KCNH8: variants seen among roughly 807,000 people sequenced by gnomAD.
KCNH8 encodes potassium voltage-gated channel subfamily H member 8, also known as voltage-gated delayed rectifier potassium channel KCNH8.
A neutral mutation model predicts 103.6 loss-of-function variants in KCNH8; 70 were observed. The ratio of observed to expected loss-of-function variants is 0.68; its 90% confidence interval spans 0.56 to 0.82. KCNH8 has a LOEUF of 0.82. Among genes scored for constraint, KCNH8 ranks in the 40% least tolerant of loss-of-function variants. The pLI, the probability that KCNH8 is intolerant of heterozygous loss-of-function variation, is 0.00. For missense variants in KCNH8, 1,217 were observed against 1,329.9 expected, an observed-to-expected ratio of 0.92 and a Z score of 1.32; for synonymous variants, 498 against 489.4, an observed-to-expected ratio of 1.02 and a Z score of -0.23.
intron 3 of KCNH8, among the ~76,000 whole-genome samples, chr3:19,297,365 A>G (rs1008807559): frequency 1.3e-5 from 2 of 152,216 alleles, no homozygotes; most frequent in African/African-American, 4.8e-5. Flanking sequence ...TCATCTTACA[A>G]TAAGATTCAG....
At chr3:19,309,815 A>T (rs2065186421) in intron 3 of KCNH8, among the ~76,000 whole-genome samples, 1 of 151,968 alleles carries the variant, frequency 6.6e-6, no homozygotes, top group Admixed American at 6.6e-5. Flanking sequence ...ACTTAACGTA[A>T]TAGTTGAATC....
At chr3:19,166,061 C>G (rs942627357) in intron 1 of KCNH8, among the ~76,000 whole-genome samples, 7 of 152,272 alleles carry the variant, frequency 4.6e-5, no homozygotes, top group East Asian at 1.9e-4. Flanking sequence ...TGATGCCCTC[C>G]CACAGTGAGT....
intron 4 of KCNH8, among the ~76,000 whole-genome samples, chr3:19,347,200 G>T (rs921676890): frequency 2.0e-5 from 3 of 152,030 alleles, no homozygotes; most frequent in Non-Finnish European, 4.4e-5. Flanking sequence ...GCACGACTTG[G>T]CTATATTTGG....
Position 19,246,177 on chromosome 3 carries a change from T to C in KCNH8, c.77-7477T>C, listed in dbSNP as rs184316461. ...TTAAAATTTGTTAATATAGGGTTTT[T>C]CCTTCAATAAGATTGCTGTTTTTAA... is the stretch of plus-strand genomic sequence containing the variant. On this transcript the variant is annotated intron_variant, in intron 1 of 15. Transcript: ENST00000328405. Among the ~76,000 whole-genome samples the C allele has an allele frequency of 4.4e-3, 664 of 152,128 alleles. 4 individuals carry two copies. The highest frequency in any genetic ancestry group is 0.015 in the African/African-American group (618 of 41,568).
chr3:19,379,694 C>T (rs2066263274), intron 5 of KCNH8, among the ~76,000 whole-genome samples: 2 of 151,866 alleles, frequency 1.3e-5, no homozygotes, highest in African/African-American at 4.8e-5. Flanking sequence ...TCATCAAAAC[C>T]ACCCCAAGTC....
At chr3:19,176,902 A>G (rs1250966492) in intron 1 of KCNH8, among the ~76,000 whole-genome samples, 1 of 152,164 alleles carries the variant, frequency 6.6e-6, no homozygotes, top group African/African-American at 2.4e-5. Flanking sequence ...TTGTCAAACA[A>G]TCAATACATA....
At chr3:19,429,162 CTTTTTTT>C (rs575154927) in intron 7 of KCNH8, among the ~76,000 whole-genome samples, 73 of 89,852 alleles carry the variant, frequency 8.1e-4, no homozygotes, top group African/African-American at 1.5e-3. Flanking sequence ...AGAATCCACT[CTTTTTTT>C]TTTTTTTTTT....
At chr3:19,407,463 A>G (rs2066709775) in intron 7 of KCNH8, among the ~76,000 whole-genome samples, 2 of 152,092 alleles carry the variant, frequency 1.3e-5, no homozygotes, top group Non-Finnish European at 2.9e-5. Context: ...GCAGATCTCC[A>G]GTAAGTTGGA....
At chr3:19,503,959 C>A (rs1446142773) in intron 11 of KCNH8, among the ~76,000 whole-genome samples, 1 of 151,770 alleles carries the variant, frequency 6.6e-6, no homozygotes, top group African/African-American at 2.4e-5. Flanking sequence ...AAATTACTTT[C>A]TTTAAGAATG....
intron 3 of KCNH8, among the ~76,000 whole-genome samples, chr3:19,330,431 G>T (rs2065490194): frequency 6.6e-6 from 1 of 152,132 alleles, no homozygotes. Flanking sequence ...ATGTCTCACA[G>T]TATCTTCCTT....
chr3:19,305,029 A>C (rs1201111029), intron 3 of KCNH8, among the ~76,000 whole-genome samples: 6 of 152,034 alleles, frequency 3.9e-5, no homozygotes, highest in Admixed American at 3.9e-4. Flanking sequence ...AGATCTAAAA[A>C]CATGAGTTTC....
chr3:19,368,391 C>G (rs1312689006), intron 5 of KCNH8, among the ~76,000 whole-genome samples: 1 of 151,932 alleles, frequency 6.6e-6, no homozygotes, highest in Admixed American at 6.6e-5. Flanking sequence ...ATACTAGTCA[C>G]TGAATTTGAA....
intron 1 of KCNH8, among the ~76,000 whole-genome samples, chr3:19,252,430 C>A (rs1282143290): frequency 6.6e-6 from 1 of 151,536 alleles, no homozygotes; most frequent in East Asian, 1.9e-4. Flanking sequence ...GCTCTTGTTG[C>A]CCAGGCTGGA....
chr3:19,349,923 A>G (rs1269230423), intron 5 of KCNH8, among the ~76,000 whole-genome samples: 1 of 152,076 alleles, frequency 6.6e-6, no homozygotes, highest in African/African-American at 2.4e-5. Context: ...ATGAAAACCC[A>G]TTCCAATTTT....
At chr3:19,163,192 G>T (rs931777276) in intron 1 of KCNH8, among the ~76,000 whole-genome samples, 2 of 151,172 alleles carry the variant, frequency 1.3e-5, no homozygotes, top group Non-Finnish European at 3.0e-5. Context: ...GACAGATATG[G>T]CTAAATACAT....
At chr3:19,280,242 T>G (rs928058973) in intron 2 of KCNH8, among the ~76,000 whole-genome samples, 5 of 152,130 alleles carry the variant, frequency 3.3e-5, no homozygotes, top group Admixed American at 6.6e-5. Flanking sequence ...CTCATGGTTT[T>G]TTGCTCAAAA....
At chr3:19,379,133 C>T (rs1013002378) in intron 5 of KCNH8, among the ~76,000 whole-genome samples, 2 of 152,142 alleles carry the variant, frequency 1.3e-5, no homozygotes, top group African/African-American at 4.8e-5. Context: ...TTACTAATCA[C>T]GGAGAAGTTA....
chr3:19,164,311 C>A (rs1027471302), intron 1 of KCNH8, among the ~76,000 whole-genome samples: 1 of 152,102 alleles, frequency 6.6e-6, no homozygotes, highest in Non-Finnish European at 1.5e-5. Flanking sequence ...AATTGCAAAA[C>A]CCATGCTCTT....
intron 11 of KCNH8, among the ~76,000 whole-genome samples, chr3:19,462,041 T>G (rs1160669041): frequency 6.6e-6 from 1 of 152,222 alleles, no homozygotes; most frequent in Non-Finnish European, 1.5e-5. Context: ...CAGTCTATCA[T>G]TGTTGGACAT....
Sources: gnomAD v4.1 joint callset for allele counts (sites outside exome capture counted in the v4.1 genomes callset) on GRCh38, gnomAD v4.1.1 for gene constraint, MANE v1.5 for transcripts, NCBI Gene and HGNC (gene_info 2026-07-23, HGNC 2026-07-21) for gene names.